DLGAP1: variants seen among roughly 807,000 people sequenced by gnomAD.
DLGAP1 encodes the protein disks large-associated protein 1.
A neutral mutation model predicts 90.8 loss-of-function variants in DLGAP1; 11 were observed. The ratio of observed to expected loss-of-function variants is 0.12; its 90% CI spans 0.08 to 0.20. The LOEUF (loss-of-function observed/expected upper bound fraction) is 0.20, where lower values mean the gene tolerates loss of function less well. DLGAP1 is among the 10% of genes least tolerant of loss of function. The pLI is 1.00. For synonymous variants in DLGAP1, 558 were observed against 540.7 expected (o/e 1.03, Z -0.44); for missense variants, 1,050 against 1,333.8 (o/e 0.79, Z 3.31).
chr18:3,935,640 G>A (rs2072618979), intron 3 of DLGAP1, among the ~76,000 whole-genome samples: 1 of 152,190 alleles, frequency 6.6e-6, no homozygotes, highest in East Asian at 1.9e-4. Flanking sequence ...GCAAAGTGAT[G>A]ATAAAGATAA....
intron 1 of DLGAP1, among the ~76,000 whole-genome samples, chr18:4,214,855 C>T (rs1391741754): frequency 6.6e-6 from 1 of 151,978 alleles, no homozygotes; most frequent in African/African-American, 2.4e-5. Flanking sequence ...AAGAGAATCC[C>T]ACCAAAAGAA....
At chr18:4,129,151 A>C (rs2076275939) in intron 2 of DLGAP1, among the ~76,000 whole-genome samples, 1 of 152,200 alleles carries the variant, frequency 6.6e-6, no homozygotes, top group African/African-American at 2.4e-5. Context: ...GAAATGTGAC[A>C]GCTAAATTAG....
intron 1 of DLGAP1, among the ~76,000 whole-genome samples, chr18:4,325,215 A>G (rs1423864815): frequency 1.3e-5 from 2 of 152,148 alleles, no homozygotes; most frequent in Non-Finnish European, 1.5e-5. Flanking sequence ...CTATACACCA[A>G]CAGCCAAGCT....
At chr18:4,310,446 A>G (rs1003186420) in intron 1 of DLGAP1, among the ~76,000 whole-genome samples, 3 of 152,178 alleles carry the variant, frequency 2.0e-5, no homozygotes, top group Admixed American at 1.3e-4. Context: ...TCATTCTTTA[A>G]GGTAAGTTCA....
chr18:4,332,539 C>T lies in DLGAP1; in HGVS notation c.-267+122467G>A, dbSNP rs1012857947. On this transcript the variant is annotated intron_variant, in intron 1 of 12. Coordinates refer to ENST00000315677, the MANE Select transcript of DLGAP1 (RefSeq NM_004746.4). The stretch of plus-strand genomic sequence containing the variant: ...ACAAGAAATACTTTCATTTCCAAAG[C>T]TGCATTCCTTAGGCCTCATCCAAAG... Among the ~76,000 whole-genome samples the T allele has an allele frequency of 4.0e-5, 6 of 151,844 alleles. 1 individual carries two copies. Among genetic ancestry groups the T allele is most frequent in the African/African-American group, 1.5e-4 (6 of 41,158 alleles).
At chr18:3,726,220 C>A in intron 7 of DLGAP1, among the ~76,000 whole-genome samples, 1 of 151,908 alleles carries the variant, frequency 6.6e-6, no homozygotes, top group Non-Finnish European at 1.5e-5. Flanking sequence ...TGCATCTGAC[C>A]CGTGCATGTG....
chr18:3,969,501 C>T (rs530887105), intron 3 of DLGAP1, among the ~76,000 whole-genome samples: 49 of 152,114 alleles, frequency 3.2e-4, no homozygotes, highest in African/African-American at 1.1e-3. Context: ...GTTCTCGAAA[C>T]AAAATAGATA....
intron 2 of DLGAP1, among the ~76,000 whole-genome samples, chr18:4,064,314 T>C (rs1434240765): frequency 6.6e-6 from 1 of 151,862 alleles, no homozygotes; most frequent in Non-Finnish European, 1.5e-5. Context: ...ACCCCTCTTC[T>C]CAGCCAAGGA....
At chr18:3,609,772 C>T (rs60361323) in intron 7 of DLGAP1, among the ~76,000 whole-genome samples, 46,928 of 151,010 alleles carry the variant, frequency 0.31, 7,631 homozygotes, top group Non-Finnish European at 0.34. Context: ...AAAACCATCT[C>T]GGAGGCCGGG....
At chr18:4,144,321 G>A (rs566887309) in intron 2 of DLGAP1, among the ~76,000 whole-genome samples, 138 of 152,282 alleles carry the variant, frequency 9.1e-4, no homozygotes, top group Non-Finnish European at 1.5e-3. Context: ...GCTAGGACTA[G>A]TCTAAGTGCT....
At chr18:3,977,390 A>G (rs2073607123) in intron 3 of DLGAP1, among the ~76,000 whole-genome samples, 1 of 147,336 alleles carries the variant, frequency 6.8e-6, no homozygotes, top group South Asian at 2.2e-4. Flanking sequence ...TTTAAACTGT[A>G]CTAAAATGCT....
rs531312171 is a variant in DLGAP1 at position 3,926,425 on chromosome 18, C to T, written c.-72-46285G>A. Among the ~76,000 whole-genome samples, 369 of 145,944 alleles carry T rather than the reference C, an allele frequency of 2.5e-3. 2 individuals carry two copies. Among genetic ancestry groups the T allele is most frequent in the African/African-American group, 8.8e-3 (349 of 39,586 alleles). On this transcript the variant is annotated intron_variant, in intron 3 of 12. Transcript: ENST00000315677. ...ACATATATATATATATATATATACA[C>T]ACACACACACACACACACACATGCA...
chr18:3,662,812 G>T (rs1427486261), intron 7 of DLGAP1, among the ~76,000 whole-genome samples: 1 of 152,112 alleles, frequency 6.6e-6, no homozygotes, highest in Non-Finnish European at 1.5e-5. Flanking sequence ...TCTTTGAGTG[G>T]GAATATCCCA....
intron 5 of DLGAP1, among the ~76,000 whole-genome samples, chr18:3,779,999 G>C (rs1392919464): frequency 6.6e-6 from 1 of 151,996 alleles, no homozygotes; most frequent in East Asian, 1.9e-4. Flanking sequence ...TGTTGGCCAG[G>C]CTGGTCTCAA....
At chr18:3,716,887 GGGAGGC>G (rs1167704679) in intron 7 of DLGAP1, among the ~76,000 whole-genome samples, 1 of 151,814 alleles carries the variant, frequency 6.6e-6, no homozygotes, top group Non-Finnish European at 1.5e-5. Flanking sequence ...CCAGCACTTT[GGGAGGC>G]GGAGGTGGGC....
intron 1 of DLGAP1, among the ~76,000 whole-genome samples, chr18:4,155,135 G>C (rs189915196): frequency 1.3e-5 from 2 of 152,164 alleles, no homozygotes; most frequent in Admixed American, 1.3e-4. Context: ...CCATGCCAGA[G>C]AAGGGTGTTC....
At chr18:4,187,351 C>T (rs1043699498) in intron 1 of DLGAP1, among the ~76,000 whole-genome samples, 4 of 152,098 alleles carry the variant, frequency 2.6e-5, no homozygotes, top group African/African-American at 9.7e-5. Context: ...ATGTTTCCAG[C>T]TTTTGCCCAG....
chr18:4,286,880 G>A (rs1415650164), intron 1 of DLGAP1, among the ~76,000 whole-genome samples: 1 of 152,148 alleles, frequency 6.6e-6, no homozygotes, highest in Non-Finnish European at 1.5e-5. Flanking sequence ...CAGTGGCCAG[G>A]GAAAGAGAGG....
intron 1 of DLGAP1, among the ~76,000 whole-genome samples, chr18:4,407,138 C>A (rs1269352651): frequency 6.6e-6 from 1 of 152,106 alleles, no homozygotes; most frequent in Non-Finnish European, 1.5e-5. Flanking sequence ...TAAGTTTAAT[C>A]CCACTTTAGC....
Sources: gnomAD v4.1 joint callset for allele counts (sites outside exome capture counted in the v4.1 genomes callset) on GRCh38, gnomAD v4.1.1 for gene constraint, MANE v1.5 for transcripts, NCBI Gene and HGNC (gene_info 2026-07-23, HGNC 2026-07-21) for gene names.